CSMD1: variants seen among roughly 807,000 people sequenced by gnomAD.
CSMD1 encodes the protein CUB and Sushi multiple domains 1, also known as CUB and sushi domain-containing protein 1.
CSMD1 carries 213 observed loss-of-function variants against 417.5 expected under a neutral mutation model. The ratio of observed to expected loss-of-function variants is 0.51; its 90% CI spans 0.46 to 0.57. The LOEUF is 0.57. Ranked by LOEUF, CSMD1 falls within the 20% of genes least tolerant of loss-of-function variation. The pLI, the probability that CSMD1 is intolerant of heterozygous loss-of-function variation, is 0.00. For missense variants in CSMD1, 6,923 were observed against 4,529.7 expected, an observed-to-expected ratio of 1.53 and a Z score of -15.17; for synonymous variants, 2,862 against 1,736.8, an observed-to-expected ratio of 1.65 and a Z score of -16.11.
intron 18 of CSMD1, among the ~76,000 whole-genome samples, chr8:3,375,849 A>G (rs1810272300): frequency 6.6e-6 from 1 of 152,100 alleles, no homozygotes; most frequent in Non-Finnish European, 1.5e-5. Flanking sequence ...CACACCCCTC[A>G]ATCCTCCAGA....
chr8:3,630,691 A>C (rs1240611780), intron 7 of CSMD1, among the ~76,000 whole-genome samples: 1 of 151,288 alleles, frequency 6.6e-6, no homozygotes, highest in Non-Finnish European at 1.5e-5. Context: ...GAAATGTGTG[A>C]GTGGTTTGCT....
intron 1 of CSMD1, among the ~76,000 whole-genome samples, chr8:4,956,436 T>C (rs2117309808): frequency 6.7e-6 from 1 of 149,010 alleles, no homozygotes; most frequent in South Asian, 2.1e-4. Flanking sequence ...TGTGCATATA[T>C]TTAATATACA....
chr8:4,394,123 C>A (rs907220683), intron 3 of CSMD1, among the ~76,000 whole-genome samples: 1 of 152,164 alleles, frequency 6.6e-6, no homozygotes, highest in Non-Finnish European at 1.5e-5. Flanking sequence ...TCCAGATTAT[C>A]TTCTAAGTAT....
intron 12 of CSMD1, among the ~76,000 whole-genome samples, chr8:3,419,262 G>T (rs967135774): frequency 2.0e-5 from 3 of 152,172 alleles, no homozygotes; most frequent in South Asian, 2.1e-4. Context: ...GCACCAACCA[G>T]ATGCTCCTGG....
In CSMD1 at chr8:3,142,571, G is replaced by A. The variant is rs371325671; in HGVS notation, c.6135C>T (p.Ser2045=). The A allele has an allele frequency of 1.1e-5, 18 of 1,613,790 alleles. No individual in the cohort carries two copies. The highest frequency in any genetic ancestry group is 4.0e-5 in the African/African-American group (3 of 74,908). The change falls in exon 41 of 70, where the codon AGC becomes AGT. Residue 2045 remains serine, a synonymous_variant. Coordinates refer to ENST00000635120, the MANE Select transcript of CSMD1 (RefSeq NM_033225.6). ...GCAGGGCCGCGGGGAGATCCGTGCC[G>A]CTAAATTGTCCAATCATGGGGCTGG... ...YHTSPMIGQF[S]GTDLPAALLS...
At chr8:4,168,298 G>T (rs1404014826) in intron 3 of CSMD1, among the ~76,000 whole-genome samples, 1 of 151,776 alleles carries the variant, frequency 6.6e-6, no homozygotes, top group Non-Finnish European at 1.5e-5. Flanking sequence ...GGAGGCTGAG[G>T]CAGAAAGGGC....
intron 1 of CSMD1, among the ~76,000 whole-genome samples, chr8:4,925,806 C>A (rs531947936): frequency 6.6e-6 from 1 of 152,272 alleles, no homozygotes; most frequent in East Asian, 1.9e-4. Flanking sequence ...CTCGGCCTCC[C>A]AAAGTGTTGG....
At chr8:3,699,772 ATG>A (rs984440094) in intron 7 of CSMD1, among the ~76,000 whole-genome samples, 1 of 152,218 alleles carries the variant, frequency 6.6e-6, no homozygotes, top group Non-Finnish European at 1.5e-5. Context: ...GGACTGTTGA[ATG>A]TGTGAGTGAA....
At chr8:3,606,947 T>C (rs748897504) in intron 8 of CSMD1, among the ~76,000 whole-genome samples, 1 of 152,094 alleles carries the variant, frequency 6.6e-6, no homozygotes, top group Non-Finnish European at 1.5e-5. Context: ...CTTAATCTCA[T>C]GATCTGCCCA....
chr8:4,958,289 C>A (rs534471599), intron 1 of CSMD1, among the ~76,000 whole-genome samples: 1 of 152,206 alleles, frequency 6.6e-6, no homozygotes, highest in Middle Eastern at 3.4e-3. Flanking sequence ...ATATTTGACA[C>A]ATCAATTTTT....
At chr8:3,890,472 G>T (rs1054820643) in intron 5 of CSMD1, among the ~76,000 whole-genome samples, 1 of 151,814 alleles carries the variant, frequency 6.6e-6, no homozygotes, top group Non-Finnish European at 1.5e-5. Context: ...CTGAGTGAGG[G>T]AAGTTTTGAA....
chr8:4,357,735 C>G (rs1312548626), intron 3 of CSMD1, among the ~76,000 whole-genome samples: 1 of 151,514 alleles, frequency 6.6e-6, no homozygotes, highest in African/African-American at 2.4e-5. Flanking sequence ...ATACTCAAGC[C>G]AAAATTTTAA....
At chr8:2,978,880 C>T (rs1192697932) in intron 54 of CSMD1, 80 bp from the exon 55 acceptor site, 8 of 1,201,510 alleles carry the variant, frequency 6.7e-6, no homozygotes, top group Middle Eastern at 2.0e-4. Context: ...AAGGCGAATT[C>T]CTCATCATTT....
intron 3 of CSMD1, among the ~76,000 whole-genome samples, chr8:4,397,782 C>G (rs1417750201): frequency 1.3e-5 from 2 of 152,024 alleles, no homozygotes; most frequent in Non-Finnish European, 2.9e-5. Flanking sequence ...TTAATACTGA[C>G]ATGTATCTCA....
intron 62 of CSMD1, among the ~76,000 whole-genome samples, chr8:2,960,553 A>G (rs1803365238): frequency 6.6e-6 from 1 of 152,202 alleles, no homozygotes; most frequent in African/African-American, 2.4e-5. Context: ...TATTTCTCCA[A>G]CGTTCACTGA....
chr8:3,643,673 C>G (rs563748514), intron 7 of CSMD1, among the ~76,000 whole-genome samples: 14 of 141,238 alleles, frequency 9.9e-5, no homozygotes, highest in Non-Finnish European at 1.8e-4. Flanking sequence ...TGCACCCCAG[C>G]CTGGGCGACA....
chr8:3,063,496 G>C (rs1188004659), intron 49 of CSMD1, among the ~76,000 whole-genome samples: 4 of 152,066 alleles, frequency 2.6e-5, no homozygotes, highest in African/African-American at 9.7e-5. Context: ...TGCACTTCTG[G>C]CTAAATACCC....
chr8:4,912,137 AAAAAG>A (rs1362440883), intron 1 of CSMD1, among the ~76,000 whole-genome samples: 5,430 of 144,320 alleles, frequency 0.038, 79 homozygotes, highest in African/African-American at 0.065. Context: ...AAAAAAAAAA[AAAAAG>A]AAAGAAAGAA....
chr8:4,332,235 T>C (rs951723308), intron 3 of CSMD1, among the ~76,000 whole-genome samples: 3 of 152,080 alleles, frequency 2.0e-5, no homozygotes, highest in Non-Finnish European at 1.5e-5. Flanking sequence ...AAGCTAACGC[T>C]AGCCATTGCC....
Sources: gnomAD v4.1 joint callset for allele counts (sites outside exome capture counted in the v4.1 genomes callset) on GRCh38, gnomAD v4.1.1 for gene constraint, MANE v1.5 for transcripts, NCBI Gene and HGNC (gene_info 2026-07-23, HGNC 2026-07-21) for gene names.